Variants in STX18 observed in about 807,000 individuals in gnomAD.
STX18 encodes the protein syntaxin 18, also known as syntaxin-18.
STX18 carries 40 observed loss-of-function variants against 50.1 expected under a neutral mutation model. That is an observed-to-expected ratio of 0.80 (90% confidence interval 0.62 to 1.04). STX18 has a LOEUF of 1.04. STX18 is among the 50% of genes least tolerant of loss of function. The pLI is 0.00. For synonymous variants in STX18, 158 were observed against 151.8 expected, an observed-to-expected ratio of 1.04 and a Z score of -0.30; for missense variants, 410 against 415.8, an observed-to-expected ratio of 0.99 and a Z score of 0.12.
intron 1 of STX18, among the ~76,000 whole-genome samples, chr4:4,474,685 G>GA (rs1463561104): frequency 2.6e-5 from 4 of 152,192 alleles, no homozygotes; most frequent in Non-Finnish European, 5.9e-5. Flanking sequence ...TGCAATGTGA[G>GA]AAAGACTCAT....
intron 1 of STX18, among the ~76,000 whole-genome samples, chr4:4,483,716 G>A (rs1728564904): frequency 6.6e-6 from 1 of 152,094 alleles, no homozygotes. Context: ...AGCATGATAG[G>A]GCACCCACTG....
At chr4:4,493,945 G>A (rs1729055284) in intron 1 of STX18, among the ~76,000 whole-genome samples, 1 of 152,196 alleles carries the variant, frequency 6.6e-6, no homozygotes, top group South Asian at 2.1e-4. Context: ...TGGTTTGAAT[G>A]TCTTTAACTC....
chr4:4,534,121 C>T (rs1021696554), intron 1 of STX18, among the ~76,000 whole-genome samples: 6 of 152,234 alleles, frequency 3.9e-5, no homozygotes, highest in Non-Finnish European at 8.8e-5. Flanking sequence ...TACATAGGCA[C>T]TGGGTATCTA....
chr4:4,473,593 G>A (rs965476620), intron 1 of STX18, among the ~76,000 whole-genome samples: 4 of 152,050 alleles, frequency 2.6e-5, no homozygotes, highest in African/African-American at 4.8e-5. Flanking sequence ...GCGCCCGGTC[G>A]GAAATCTGAC....
chr4:4,509,824 A>G (rs918502807), intron 1 of STX18, among the ~76,000 whole-genome samples: 1 of 152,142 alleles, frequency 6.6e-6, no homozygotes, highest in Non-Finnish European at 1.5e-5. Flanking sequence ...AGGAGAAGTA[A>G]AAGTTATGCA....
intron 2 of STX18, 44 bp from the exon 3 acceptor site, chr4:4,459,531 A>G: frequency 7.2e-7 from 1 of 1,389,338 alleles, no homozygotes; most frequent in Non-Finnish European, 1.0e-6. Context: ...AAATGAGAAC[A>G]TAATATAGTC....
rs557073571 is a variant in STX18 at position 4,522,534 on chromosome 4, A to G, written c.168+19263T>C. ...TTGAGAATATTGCCAATTCCTTTAG[A>G]TGCATGAGAAAACTAGCCTGATTAA... On this transcript the variant is annotated intron_variant, in intron 1 of 10. Transcript: ENST00000306200. 3.3e-5 allele frequency among the ~76,000 whole-genome samples: 5 copies of G among 152,348 alleles called. No homozygotes were observed. The East Asian group carries it at 9.6e-4, about 29-fold the overall frequency.
At chr4:4,476,337 T>A (rs1728174258) in intron 1 of STX18, among the ~76,000 whole-genome samples, 1 of 152,240 alleles carries the variant, frequency 6.6e-6, no homozygotes, top group African/African-American at 2.4e-5. Context: ...TTATTTAATG[T>A]CTCCTCTATA....
At chr4:4,463,840 G>A (rs918114004) in intron 2 of STX18, among the ~76,000 whole-genome samples, 4 of 151,922 alleles carry the variant, frequency 2.6e-5, no homozygotes, top group South Asian at 2.1e-4. Context: ...ACTATGCATC[G>A]GAATAATTAT....
intron 1 of STX18, among the ~76,000 whole-genome samples, chr4:4,498,655 C>T (rs1431949034): frequency 6.6e-6 from 1 of 152,056 alleles, no homozygotes; most frequent in Admixed American, 6.5e-5. Context: ...ATTGTCAGAG[C>T]AAAACTATCA....
intron 2 of STX18, among the ~76,000 whole-genome samples, chr4:4,469,181 G>A (rs1425230083): frequency 6.6e-6 from 1 of 152,184 alleles, no homozygotes; most frequent in East Asian, 1.9e-4. Flanking sequence ...AAAAGGTGAG[G>A]AAGCAGAGGT....
chr4:4,464,458 A>G (rs180999300), intron 2 of STX18, among the ~76,000 whole-genome samples: 85 of 152,330 alleles, frequency 5.6e-4, no homozygotes, highest in Admixed American at 1.2e-3. Flanking sequence ...ATGTTTCACT[A>G]CAGGACAGAC....
At chr4:4,482,389 T>G (rs559723461) in intron 1 of STX18, among the ~76,000 whole-genome samples, 2 of 152,336 alleles carry the variant, frequency 1.3e-5, no homozygotes, top group East Asian at 3.9e-4. Context: ...GGTATCCTCA[T>G]GCAGCCACTC....
intron 1 of STX18, among the ~76,000 whole-genome samples, chr4:4,534,758 T>C (rs1474642803): frequency 6.6e-6 from 1 of 152,274 alleles, no homozygotes; most frequent in Non-Finnish European, 1.5e-5. Context: ...TAAAGGGTCA[T>C]ACAGTAAATA....
chr4:4,500,908 G>T (rs1256075025), intron 1 of STX18, among the ~76,000 whole-genome samples: 1 of 152,114 alleles, frequency 6.6e-6, no homozygotes, highest in African/African-American at 2.4e-5. Context: ...GTGGTGGCGG[G>T]CGCCTATACC....
intron 1 of STX18, among the ~76,000 whole-genome samples, chr4:4,536,603 G>C (rs1288435637): frequency 6.6e-6 from 1 of 152,160 alleles, no homozygotes; most frequent in Non-Finnish European, 1.5e-5. Flanking sequence ...TGATGCATGT[G>C]AGAAAATGAA....
intron 1 of STX18, among the ~76,000 whole-genome samples, chr4:4,493,919 G>A (rs1729054857): frequency 6.6e-6 from 1 of 152,150 alleles, no homozygotes; most frequent in South Asian, 2.1e-4. Context: ...GAGGTTCGTG[G>A]GCTTTCAATC....
At chr4:4,484,091 T>A (rs1353491981) in intron 1 of STX18, among the ~76,000 whole-genome samples, 1 of 152,166 alleles carries the variant, frequency 6.6e-6, no homozygotes, top group Non-Finnish European at 1.5e-5. Context: ...CTTGATCTCC[T>A]GACCTCGTGA....
chr4:4,486,406 T>C (rs949786806), intron 1 of STX18, among the ~76,000 whole-genome samples: 3 of 152,234 alleles, frequency 2.0e-5, no homozygotes, highest in Middle Eastern at 3.2e-3. Flanking sequence ...AAGAATTACC[T>C]TGACAATTCA....
Sources: gnomAD v4.1 joint callset for allele counts (sites outside exome capture counted in the v4.1 genomes callset) on GRCh38, gnomAD v4.1.1 for gene constraint, MANE v1.5 for transcripts, NCBI Gene and HGNC (gene_info 2026-07-23, HGNC 2026-07-21) for gene names.